SIGLEC5: variants seen among roughly 807,000 people sequenced by gnomAD.
The protein encoded by SIGLEC5 is sialic acid binding Ig like lectin 5, also known as sialic acid-binding Ig-like lectin 5.
SIGLEC5 carries 34 observed loss-of-function variants against 45.9 expected under a neutral mutation model. The ratio of observed to expected loss-of-function variants is 0.74; its 90% CI spans 0.56 to 0.99. The LOEUF is 0.99. SIGLEC5 is among the 50% of genes least tolerant of loss of function. The pLI is 0.00. For synonymous variants in SIGLEC5, 203 were observed against 258.6 expected (o/e 0.79, Z 2.06); for missense variants, 508 against 629.6 (o/e 0.81, Z 2.07).
intron 8 of SIGLEC5, among the ~76,000 whole-genome samples, chr19:51,618,940 T>C (rs1426688201): frequency 6.6e-6 from 1 of 152,126 alleles, no homozygotes; most frequent in Non-Finnish European, 1.5e-5. Flanking sequence ...GAAACACAAT[T>C]GTTAGAATTA....
intron 8 of SIGLEC5, among the ~76,000 whole-genome samples, chr19:51,617,621 G>T (rs1983115939): frequency 6.6e-6 from 1 of 151,992 alleles, no homozygotes; most frequent in Non-Finnish European, 1.5e-5. Flanking sequence ...AAAATGTAAG[G>T]GGATAAAATA....
At chr19:51,624,619 A>G (rs1983409962) in intron 8 of SIGLEC5, among the ~76,000 whole-genome samples, 1 of 152,144 alleles carries the variant, frequency 6.6e-6, no homozygotes, top group African/African-American at 2.4e-5. Context: ...GGACAGAAAC[A>G]GCAGGAGAGA....
chr19:51,622,694 G>T (rs77841713), intron 8 of SIGLEC5, among the ~76,000 whole-genome samples: 4,897 of 152,134 alleles, frequency 0.032, 108 homozygotes, highest in Non-Finnish European at 0.052. Context: ...GAAGGGAGAA[G>T]GACTATTCAG....
At position 51,628,103 on chromosome 19, in the gene SIGLEC5, G is replaced by A. The variant is rs779560866; in HGVS notation, c.740-12C>T. ...CAGGATCTCTAGGGCTTTGGGGAGAGAAGGGTGGGGAAAGAGAGATGGGGC... is the reference window on the plus strand; with the variant it reads ...CAGGATCTCTAGGGCTTTGGGGAGAAAAGGGTGGGGAAAGAGAGATGGGGC... On this transcript the variant is annotated splice_polypyrimidine_tract_variant and intron_variant, in intron 4 of 8. Transcript: ENST00000683636. 7.3e-6 allele frequency: 11 copies of A among 1,504,914 alleles called. No individual in the cohort carries two copies. The East Asian group carries it at 2.3e-4, about 32-fold the overall frequency. The allele number at this position is 1,504,914 out of a possible 1,614,324, so 93.2% of individuals were successfully genotyped here.
chr19:51,621,014 A>C (rs1431807953), intron 8 of SIGLEC5: 1 of 152,182 alleles, frequency 6.6e-6, no homozygotes, highest in Non-Finnish European at 1.5e-5. Context: ...AATTGAAAAA[A>C]ATTTATTTAA....
At chr19:51,615,199 C>T (rs1227143670) in intron 8 of SIGLEC5, among the ~76,000 whole-genome samples, 1 of 152,200 alleles carries the variant, frequency 6.6e-6, no homozygotes, top group Non-Finnish European at 1.5e-5. Flanking sequence ...GCTCTGTTCT[C>T]CAAGACCTAC....
rs1460405830 is a variant in SIGLEC5, at chr19:51,627,636, TCTC to T, written c.1105_1107del (p.Glu369del). The T allele has an allele frequency of 3.1e-6, 5 of 1,612,044 alleles. No individual in the cohort carries two copies. The highest frequency in any genetic ancestry group is 1.7e-5 in the Admixed American group (1 of 59,824). On this transcript the variant is annotated inframe_deletion, in exon 6 of 9. Transcript: ENST00000683636. The stretch of plus-strand genomic sequence containing the variant: ...TGGCTGCTGTTCCCCTCCAGCGGCT[TCTC>T]CTCAAGCCGCCAGCACAGGGAGGGG...
At chr19:51,612,971 G>A (rs1018935784) in intron 8 of SIGLEC5, among the ~76,000 whole-genome samples, 24 of 152,116 alleles carry the variant, frequency 1.6e-4, no homozygotes, top group Non-Finnish European at 2.9e-4. Context: ...CAGGCTTGCT[G>A]TGCTATCTTC....
intron 8 of SIGLEC5, among the ~76,000 whole-genome samples, chr19:51,613,686 A>G (rs1431161414): frequency 1.3e-5 from 2 of 152,170 alleles, no homozygotes; most frequent in Non-Finnish European, 2.9e-5. Flanking sequence ...AAAACCCACA[A>G]CAGTATAAAA....
In SIGLEC5 at chr19:51,612,294, C is replaced by T. The variant is rs1380236906; in HGVS notation, c.1593G>A (p.Arg531=). 6.2e-7 allele frequency: 1 copy of T among 1,612,992 alleles called. No homozygotes were observed. The highest frequency in any genetic ancestry group is 8.5e-7 in the Non-Finnish European group (1 of 1,179,698). ...TTGGGGCCTCCTGGTCCTTAGGCTCCCTCGACTTCATCTCAGAAAAACTAA... is the reference window on the plus strand; with the variant it reads ...TTGGGGCCTCCTGGTCCTTAGGCTCTCTCGACTTCATCTCAGAAAAACTAA... ...ASLSFSEMKS[R]EPKDQEAPST... Residue 531 remains arginine, a synonymous_variant, in exon 9 of 9, where the codon AGG becomes AGA. Transcript: ENST00000683636.
intron 8 of SIGLEC5, among the ~76,000 whole-genome samples, chr19:51,618,939 T>G (rs1983178842): frequency 6.6e-6 from 1 of 152,064 alleles, no homozygotes; most frequent in African/African-American, 2.4e-5. Flanking sequence ...AGAAACACAA[T>G]TGTTAGAATT....
intron 8 of SIGLEC5, among the ~76,000 whole-genome samples, chr19:51,620,142 G>A (rs939845054): frequency 2.6e-5 from 4 of 151,820 alleles, no homozygotes; most frequent in African/African-American, 7.3e-5. Context: ...GATTAAATTA[G>A]GAAAATTGCA....
At chr19:51,625,918 GAGAGA>G in intron 8 of SIGLEC5, 109 bp downstream of exon 8, 1 of 755,702 alleles carries the variant, frequency 1.3e-6, no homozygotes, top group Non-Finnish European at 2.3e-6. Flanking sequence ...GGGAGAACAG[GAGAGA>G]AGAGAACTCC....
intron 8 of SIGLEC5, among the ~76,000 whole-genome samples, chr19:51,612,691 C>G (rs73050865): frequency 0.032 from 4,939 of 152,280 alleles, 105 homozygotes; most frequent in South Asian, 0.071. Flanking sequence ...ACCTACTTGA[C>G]TTACGTATTG....
intron 8 of SIGLEC5, among the ~76,000 whole-genome samples, chr19:51,614,899 A>G (rs576900566): frequency 6.6e-6 from 1 of 152,334 alleles, no homozygotes; most frequent in South Asian, 2.1e-4. Context: ...CACTTTACTA[A>G]GCACTCCTTG....
At position 51,627,459 on chromosome 19, in the gene SIGLEC5, G is replaced by A. The variant is rs774457948; in HGVS notation, c.1282+3C>T. On this transcript the variant is annotated splice_donor_region_variant and intron_variant, in intron 6 of 8. Coordinates refer to ENST00000683636, the MANE Select transcript of SIGLEC5 (RefSeq NM_003830.4). ...CCCTGCCCTCTGCAATACGCCCCCT[G>A]ACCTTGCAGCAGCAGGACAGAGCCG... 1.7e-5 allele frequency: 27 copies of A among 1,610,234 alleles called. No homozygotes were observed. The highest frequency in any genetic ancestry group is 1.6e-5 in the Non-Finnish European group (19 of 1,177,926).
At chr19:51,625,567 C>T (rs768220272) in intron 8 of SIGLEC5, among the ~76,000 whole-genome samples, 9 of 152,112 alleles carry the variant, frequency 5.9e-5, no homozygotes, top group East Asian at 1.9e-4. Context: ...CGGTGGCTTA[C>T]GCCTGTAATC....
At position 51,611,339 on chromosome 19, in the gene SIGLEC5, G is replaced by T. The variant is rs1349838336; in HGVS notation, c.*892C>A. 1.3e-5 allele frequency among the ~76,000 whole-genome samples: 2 copies of T among 152,212 alleles called. No individual in the cohort carries two copies. The highest frequency in any genetic ancestry group is 2.9e-5 in the Non-Finnish European group (2 of 68,032). On this transcript the variant is annotated 3_prime_UTR_variant, in exon 9 of 9. Coordinates refer to ENST00000683636, the MANE Select transcript of SIGLEC5 (RefSeq NM_003830.4). ...CAAGACCACCCATTAACTCATGTTTGGAGGAAAAGATAGTGTAAGCCAGAT... is the reference window on the plus strand; with the variant it reads ...CAAGACCACCCATTAACTCATGTTTTGAGGAAAAGATAGTGTAAGCCAGAT...
rs1983305017 is a variant in SIGLEC5, at chr19:51,621,950, T to A, written c.1464+4082A>T. Among the ~76,000 whole-genome samples, 3 of 152,138 alleles carry A rather than the reference T, an allele frequency of 2.0e-5. 1 individual carries two copies. In the South Asian group the frequency reaches 6.2e-4, roughly 31 times the overall value. ...ACCTGTGTGAAGAAACTCTACATTA[T>A]CTCTTTAAAACACTTAAAAATATTT... On this transcript the variant is annotated intron_variant, in intron 8 of 8. Coordinates refer to ENST00000683636, the MANE Select transcript of SIGLEC5 (RefSeq NM_003830.4).
Sources: gnomAD v4.1 joint callset for allele counts (sites outside exome capture counted in the v4.1 genomes callset) on GRCh38, gnomAD v4.1.1 for gene constraint, MANE v1.5 for transcripts, NCBI Gene and HGNC (gene_info 2026-07-23, HGNC 2026-07-21) for gene names.